RASGRP1: variants seen among roughly 807,000 people sequenced by gnomAD.
RASGRP1 encodes the protein RAS guanyl-releasing protein 1.
In RASGRP1, 37 loss-of-function variants were observed where a neutral mutation model predicts 95.1. The observed-to-expected ratio is 0.39, with a 90% CI of 0.30 to 0.51. The LOEUF is 0.51. RASGRP1 is among the 20% of genes least tolerant of loss of function. The pLI is 0.80. For synonymous variants in RASGRP1, 325 were observed against 353.4 expected (o/e 0.92, Z 0.90); for missense variants, 711 against 965.4 (o/e 0.74, Z 3.49).
intron 1 of RASGRP1, among the ~76,000 whole-genome samples, chr15:38,560,479 C>T (rs1245896477): frequency 1.3e-5 from 2 of 152,130 alleles, no homozygotes; most frequent in Non-Finnish European, 2.9e-5. Flanking sequence ...GTCGGGAGTT[C>T]GAGATCATCT....
chr15:38,492,050 C>G (rs958389083), intron 16 of RASGRP1, among the ~76,000 whole-genome samples: 3 of 152,194 alleles, frequency 2.0e-5, no homozygotes, highest in African/African-American at 7.2e-5. Flanking sequence ...ACTGAAAACA[C>G]AAATCTTTGC....
chr15:38,512,271 AT>A (rs1185807454), intron 7 of RASGRP1, among the ~76,000 whole-genome samples: 4 of 152,206 alleles, frequency 2.6e-5, no homozygotes, highest in Non-Finnish European at 4.4e-5. Context: ...GCCAGTGCCT[AT>A]ATAGGACAGT....
intron 2 of RASGRP1, among the ~76,000 whole-genome samples, chr15:38,547,841 A>C (rs1279872829): frequency 1.3e-5 from 2 of 152,030 alleles, no homozygotes; most frequent in South Asian, 2.1e-4. Context: ...TTCCCTGCTC[A>C]AAACTGTGTG....
intron 1 of RASGRP1, 180 bp from the exon 2 acceptor site, chr15:38,560,185 C>T (rs12912777): frequency 0.095 from 59,442 of 623,938 alleles, 3,395 homozygotes; most frequent in Non-Finnish European, 0.12. Flanking sequence ...GAGACATCTC[C>T]CCAGCAAAGG....
intron 16 of RASGRP1, among the ~76,000 whole-genome samples, chr15:38,491,086 G>C (rs139570338): frequency 1.3e-5 from 2 of 152,236 alleles, no homozygotes; most frequent in African/African-American, 4.8e-5. Flanking sequence ...TTTTATCTAA[G>C]TTTCCCCCCC....
chr15:38,494,254 C>G (rs1182638332), intron 16 of RASGRP1, 128 bp downstream of exon 16: 1 of 1,225,418 alleles, frequency 8.2e-7, no homozygotes, highest in African/African-American at 1.5e-5. Context: ...TGTTTCTCCC[C>G]TCCTCCTTTT....
intron 8 of RASGRP1, among the ~76,000 whole-genome samples, chr15:38,509,614 T>A (rs1266277100): frequency 1.3e-5 from 2 of 152,136 alleles, no homozygotes; most frequent in Non-Finnish European, 2.9e-5. Flanking sequence ...TAGTCCCAGC[T>A]ACTTGGGAGC....
intron 6 of RASGRP1, among the ~76,000 whole-genome samples, chr15:38,513,332 C>G (rs1332684707): frequency 6.6e-6 from 1 of 152,132 alleles, no homozygotes; most frequent in African/African-American, 2.4e-5. Flanking sequence ...AAAGGTAATT[C>G]CCCTGACAAA....
At chr15:38,528,994 C>G (rs191527443) in intron 2 of RASGRP1, among the ~76,000 whole-genome samples, 22 of 152,298 alleles carry the variant, frequency 1.4e-4, no homozygotes, top group African/African-American at 4.6e-4. Context: ...CTCAGTTACC[C>G]CAACTAAAAA....
At chr15:38,554,743 G>T (rs1399867971) in intron 2 of RASGRP1, among the ~76,000 whole-genome samples, 1 of 152,196 alleles carries the variant, frequency 6.6e-6, no homozygotes, top group African/African-American at 2.4e-5. Context: ...AGCGGCCTGG[G>T]AGCTGCTCTG....
chr15:38,547,236 C>T (rs1380114895), intron 2 of RASGRP1, among the ~76,000 whole-genome samples: 5 of 152,166 alleles, frequency 3.3e-5, no homozygotes, highest in Non-Finnish European at 2.9e-5. Context: ...CCTGTAAGTT[C>T]CCACACACAT....
At chr15:38,555,458 C>G (rs986757179) in intron 2 of RASGRP1, among the ~76,000 whole-genome samples, 2 of 152,156 alleles carry the variant, frequency 1.3e-5, no homozygotes, top group Non-Finnish European at 2.9e-5. Flanking sequence ...GCAGCCCTGT[C>G]CTATGTGGCA....
rs148551689 is a variant in RASGRP1, at chr15:38,548,801, C to T, written c.220+11020G>A. 2.9e-3 allele frequency among the ~76,000 whole-genome samples: 435 copies of T among 152,302 alleles called. 6 individuals are homozygous for T. The highest frequency in any genetic ancestry group is 0.01 in the African/African-American group (417 of 41,546). Reference sequence around the variant, plus strand: ...TAAGTCTCTTTTAATCCAGAGGGTCCTCCTCCAACATTTCTCCTTGCAATT... The same window carrying T: ...TAAGTCTCTTTTAATCCAGAGGGTCTTCCTCCAACATTTCTCCTTGCAATT... On this transcript the variant is annotated intron_variant, in intron 2 of 16. Transcript: ENST00000310803.
chr15:38,530,487 A>C (rs1188873261), intron 2 of RASGRP1, among the ~76,000 whole-genome samples: 1 of 152,246 alleles, frequency 6.6e-6, no homozygotes, highest in Non-Finnish European at 1.5e-5. Context: ...TTTTCAATGC[A>C]GCATTTGACA....
chr15:38,548,803 C>T (rs1408154273), intron 2 of RASGRP1, among the ~76,000 whole-genome samples: 1 of 152,290 alleles, frequency 6.6e-6, no homozygotes, highest in East Asian at 1.9e-4. Flanking sequence ...AGAGGGTCCT[C>T]CTCCAACATT....
chr15:38,528,673 T>C (rs996768604), intron 2 of RASGRP1, among the ~76,000 whole-genome samples: 1 of 152,228 alleles, frequency 6.6e-6, no homozygotes, highest in Admixed American at 6.5e-5. Flanking sequence ...CTTTTATTTA[T>C]TTTTTGACAG....
intron 15 of RASGRP1, among the ~76,000 whole-genome samples, chr15:38,496,199 TAAG>T (rs745330497): frequency 2.6e-4 from 40 of 152,298 alleles, no homozygotes; most frequent in Non-Finnish European, 5.1e-4. Flanking sequence ...TAGAAATAAC[TAAG>T]AATGGATGAT....
intron 1 of RASGRP1, among the ~76,000 whole-genome samples, chr15:38,564,322 A>C (rs1488890820): frequency 1.3e-5 from 2 of 151,982 alleles, no homozygotes; most frequent in African/African-American, 4.8e-5. Context: ...CTCCGCGAAG[A>C]GCTTCGGCCC....
At chr15:38,522,246 A>G (rs908764486) in intron 3 of RASGRP1, among the ~76,000 whole-genome samples, 1 of 152,208 alleles carries the variant, frequency 6.6e-6, no homozygotes, top group Non-Finnish European at 1.5e-5. Flanking sequence ...TATCTTTCTT[A>G]ATTTGTAATT....
Sources: gnomAD v4.1 joint callset for allele counts (sites outside exome capture counted in the v4.1 genomes callset) on GRCh38, gnomAD v4.1.1 for gene constraint, MANE v1.5 for transcripts, NCBI Gene and HGNC (gene_info 2026-07-23, HGNC 2026-07-21) for gene names.